The following GALNT2 variants were observed in gnomAD, a reference collection of about 807,000 sequenced individuals.
GALNT2 encodes the protein UDP-GalNAc:polypeptide N-acetylgalactosaminyltransferase 2.
Under a neutral mutation model 81.4 loss-of-function variants are expected in GALNT2, and 31 were observed. The observed-to-expected ratio is 0.38, with a 90% CI of 0.29 to 0.51. GALNT2 has a LOEUF of 0.51. Among genes scored for constraint, GALNT2 ranks in the 20% least tolerant of loss-of-function variants. GALNT2 has a pLI of 0.87. For synonymous variants in GALNT2, 303 were observed against 287.4 expected (o/e 1.05, Z -0.55); for missense variants, 629 against 765.7 (o/e 0.82, Z 2.11).
At chr1:230,166,693 T>TC in intron 1 of GALNT2, among the ~76,000 whole-genome samples, 1 of 152,274 alleles carries the variant, frequency 6.6e-6, no homozygotes, top group East Asian at 1.9e-4. Flanking sequence ...GCCTCTCCTT[T>TC]CCCCCAACTT....
chr1:230,094,676 T>C (rs895091046), intron 1 of GALNT2, among the ~76,000 whole-genome samples: 3 of 152,078 alleles, frequency 2.0e-5, no homozygotes, highest in African/African-American at 7.2e-5. Flanking sequence ...TCCCAACACA[T>C]CTGGACAGCT....
intron 6 of GALNT2, among the ~76,000 whole-genome samples, chr1:230,239,398 C>A (rs1453391606): frequency 1.3e-5 from 2 of 152,174 alleles, no homozygotes; most frequent in African/African-American, 4.8e-5. Context: ...GAAGCCAGTC[C>A]AAGTCCCAAA....
rs532976533 is a variant in GALNT2, at chr1:230,134,471, A to G, written c.127-43747A>G. ...TATCCCCTTCCCCCAATTCCTAACC[A>G]GTTGTTCAGGTGAGACAACCATTTG... On this transcript the variant is annotated intron_variant, in intron 1 of 15. Transcript: ENST00000366672. Among the ~76,000 whole-genome samples, 11 of 152,272 alleles carry G rather than the reference A, an allele frequency of 7.2e-5. No homozygotes were observed. In the South Asian group the frequency reaches 2.3e-3, roughly 32 times the overall value.
chr1:230,085,276 C>A (rs187299000), intron 1 of GALNT2, among the ~76,000 whole-genome samples: 1 of 152,256 alleles, frequency 6.6e-6, no homozygotes, highest in African/African-American at 2.4e-5. Context: ...GCTAAGGAAT[C>A]CGGGAGTGGC....
chr1:230,195,611 G>A (rs1412099612), intron 2 of GALNT2, among the ~76,000 whole-genome samples: 2 of 152,146 alleles, frequency 1.3e-5, no homozygotes, highest in Non-Finnish European at 2.9e-5. Flanking sequence ...GTGCGGGCAT[G>A]GCTAGGAAGA....
intron 13 of GALNT2, chr1:230,264,381 A>C (rs1665969739): frequency 6.6e-6 from 1 of 152,222 alleles, no homozygotes; most frequent in Non-Finnish European, 1.5e-5. Flanking sequence ...CATGCCACTC[A>C]CTTTGCTTTT....
chr1:230,163,201 A>G (rs769566225), intron 1 of GALNT2, among the ~76,000 whole-genome samples: 9 of 152,212 alleles, frequency 5.9e-5, no homozygotes, highest in Non-Finnish European at 1.0e-4. Flanking sequence ...ACTTTTGTCA[A>G]AGGAATTGTT....
At chr1:230,145,966 C>T (rs1297777915) in intron 1 of GALNT2, among the ~76,000 whole-genome samples, 4 of 152,230 alleles carry the variant, frequency 2.6e-5, no homozygotes, top group African/African-American at 9.6e-5. Context: ...TTGGTCCACT[C>T]CTTGTCCAGG....
At chr1:230,235,536 CA>C (rs760783775) in intron 3 of GALNT2, among the ~76,000 whole-genome samples, 12 of 152,184 alleles carry the variant, frequency 7.9e-5, no homozygotes, top group Non-Finnish European at 1.2e-4. Flanking sequence ...GGAAAACCTC[CA>C]GTGGGTCTGC....
intron 2 of GALNT2, among the ~76,000 whole-genome samples, chr1:230,181,847 A>G (rs1386306559): frequency 6.6e-6 from 1 of 152,240 alleles, no homozygotes; most frequent in Non-Finnish European, 1.5e-5. Context: ...GTCAGAATTC[A>G]TCAGTGAACA....
intron 6 of GALNT2, among the ~76,000 whole-genome samples, chr1:230,239,308 C>T (rs754426191): frequency 3.7e-4 from 57 of 152,092 alleles, no homozygotes; most frequent in Non-Finnish European, 5.6e-4. Context: ...TATATATAAA[C>T]AGGAGTTTAT....
intron 1 of GALNT2, among the ~76,000 whole-genome samples, chr1:230,137,551 G>T (rs961563293): frequency 6.6e-6 from 1 of 152,220 alleles, no homozygotes; most frequent in Non-Finnish European, 1.5e-5. Context: ...TCTCTTCAAG[G>T]GGTGGATGTG....
In GALNT2 at chr1:230,193,289, T is replaced by G. The variant is rs1383379285; in HGVS notation, c.221-9848T>G. 6.6e-6 allele frequency among the ~76,000 whole-genome samples: 1 copy of G among 152,210 alleles called. No homozygotes were observed. The highest frequency in any genetic ancestry group is 1.5e-5 in the Non-Finnish European group (1 of 68,024). On this transcript the variant is annotated intron_variant, in intron 2 of 15. Transcript: ENST00000366672. This position sits in a 1 kb window ranked among gnomAD's most constrained non-coding sequence, Gnocchi z 4.3. ...CCTGAATCCACTGAGACTCTCAGTTTCCTGCACAACGGGACCTGCATCCAG... is the reference window on the plus strand; with the variant it reads ...CCTGAATCCACTGAGACTCTCAGTTGCCTGCACAACGGGACCTGCATCCAG...
At chr1:230,183,022 A>G (rs1469617762) in intron 2 of GALNT2, among the ~76,000 whole-genome samples, 1 of 152,180 alleles carries the variant, frequency 6.6e-6, no homozygotes, top group Non-Finnish European at 1.5e-5. Flanking sequence ...TGATCCCTTA[A>G]AAATTCCTAT....
chr1:230,263,220 A>G (rs1665931013), intron 13 of GALNT2: 2 of 552,790 alleles, frequency 3.6e-6, no homozygotes, highest in Non-Finnish European at 6.5e-6. Flanking sequence ...CTGCCCTCCC[A>G]TGCTTCGGAG....
At chr1:230,222,093 C>T (rs1245300216) in intron 3 of GALNT2, among the ~76,000 whole-genome samples, 1 of 136,320 alleles carries the variant, frequency 7.3e-6, no homozygotes, top group Non-Finnish European at 1.5e-5. Context: ...GTGGTGCGAT[C>T]TCAGCTCACT....
intron 2 of GALNT2, among the ~76,000 whole-genome samples, chr1:230,196,218 G>C (rs1572074259): frequency 6.6e-6 from 1 of 152,172 alleles, no homozygotes; most frequent in Non-Finnish European, 1.5e-5. Context: ...CTGTCTCTGG[G>C]TGTCTTCTGT....
intron 1 of GALNT2, among the ~76,000 whole-genome samples, chr1:230,098,794 C>T (rs1488694525): frequency 2.0e-5 from 3 of 152,108 alleles, no homozygotes; most frequent in African/African-American, 7.2e-5. Context: ...TAATCAGAAG[C>T]CAACGTGGCA....
At chr1:230,077,483 A>G (rs1017217279) in intron 1 of GALNT2, among the ~76,000 whole-genome samples, 12 of 152,244 alleles carry the variant, frequency 7.9e-5, no homozygotes, top group African/African-American at 2.9e-4. Flanking sequence ...GACCTGTGAC[A>G]CAACGGGTTC....
Sources: allele counts gnomAD v4.1 joint callset (sites outside exome capture counted in the v4.1 genomes callset), GRCh38; gene constraint gnomAD v4.1.1; non-coding constraint Gnocchi (gnomAD v3.1); transcripts MANE v1.5; gene names NCBI Gene and HGNC (gene_info 2026-07-23, HGNC 2026-07-21).